MYT1: variants seen among roughly 807,000 people sequenced by gnomAD.
MYT1 encodes the protein myelin transcription factor I.
Under a neutral mutation model 123.0 loss-of-function variants are expected in MYT1, and 23 were observed. That is an observed-to-expected ratio of 0.19 (90% confidence interval 0.13 to 0.26). The LOEUF (loss-of-function observed/expected upper bound fraction) is 0.26, where lower values mean the gene tolerates loss of function less well. MYT1 is among the 10% of genes least tolerant of loss of function. The pLI is 1.00. For missense variants in MYT1, 1,125 were observed against 1,472.5 expected, an observed-to-expected ratio of 0.76 and a Z score of 3.86; for synonymous variants, 518 against 575.3, an observed-to-expected ratio of 0.90 and a Z score of 1.43.
chr20:64,165,873 A>G (rs1156239124), intron 1 of MYT1, among the ~76,000 whole-genome samples: 1 of 152,044 alleles, frequency 6.6e-6, no homozygotes, highest in East Asian at 1.9e-4. Context: ...GGACACCTCT[A>G]ACGCCAGTGG....
At chr20:64,222,070 C>G in intron 14 of MYT1, 23 bp downstream of exon 14, 8 of 1,611,670 alleles carry the variant, frequency 5.0e-6, no homozygotes, top group Non-Finnish European at 6.8e-6. Flanking sequence ...TTGGCTGGCA[C>G]AGCTCCTAGG....
Position 64,202,875 on chromosome 20 carries a change from G to A in MYT1, c.87-2160G>A, listed in dbSNP as rs1015287833. On this transcript the variant is annotated intron_variant, in intron 4 of 22. Transcript: ENST00000328439. The surrounding 1 kb of genome is among the most constrained non-coding windows in gnomAD (Gnocchi z 5.0). ...AATTCCCTCCTCCCGGAGAAAAGAG[G>A]CTCGGGAGTCCTGGAGCCCTGGCCG... 6.6e-6 allele frequency among the ~76,000 whole-genome samples: 1 copy of A among 152,154 alleles called. No individual in the cohort carries two copies. Among genetic ancestry groups the A allele is most frequent in the Admixed American group, 6.5e-5 (1 of 15,282 alleles).
intron 19 of MYT1, among the ~76,000 whole-genome samples, chr20:64,234,316 C>T (rs1984430326): frequency 6.9e-6 from 1 of 145,346 alleles, no homozygotes; most frequent in South Asian, 2.2e-4. Flanking sequence ...TCTGGGAGGT[C>T]AGGGCTGCAA....
intron 5 of MYT1, 123 bp from the exon 6 acceptor site, chr20:64,205,430 C>A: frequency 2.1e-6 from 3 of 1,437,222 alleles, no homozygotes; most frequent in Non-Finnish European, 2.8e-6. Flanking sequence ...GGGTTCCCTG[C>A]AAGGACTGGA....
rs1440895285 is a variant in MYT1, at chr20:64,241,047, G to A, written c.*599G>A. 6.6e-6 allele frequency: 1 copy of A among 152,520 alleles called. No individual in the cohort carries two copies. The highest frequency in any genetic ancestry group is 1.5e-5 in the Non-Finnish European group (1 of 68,282). The allele number at this position is 152,520 out of a possible 1,614,324, so 9.4% of individuals were successfully genotyped here. On this transcript the variant is annotated 3_prime_UTR_variant, in exon 23 of 23. Transcript: ENST00000328439. This position sits in a 1 kb window ranked among gnomAD's most constrained non-coding sequence, Gnocchi z 4.2. ...TGACAAGCATCGCAGCCCCTGTCAG[G>A]TCAAGGAATTTTAACCTGGGAGACT...
chr20:64,175,284 C>A, intron 1 of MYT1, among the ~76,000 whole-genome samples: 1 of 68,878 alleles, frequency 1.5e-5, no homozygotes, highest in Non-Finnish European at 2.7e-5. Flanking sequence ...GCTTCTCCTG[C>A]AGCATCTTTC....
At chr20:64,225,704 G>C (rs1175172748) in intron 16 of MYT1, among the ~76,000 whole-genome samples, 1 of 152,182 alleles carries the variant, frequency 6.6e-6, no homozygotes, top group African/African-American at 2.4e-5. Context: ...TGTGGCTCCA[G>C]ATTCCTGCAG....
At position 64,192,289 on chromosome 20, in the gene MYT1, T is replaced by G. The variant is rs1040804513; in HGVS notation, c.-1+2129T>G. ...TGAATAGAGAAGCTAAGATGAAAAG[T>G]GTGCCAGAGAAGGCGAGAGGATGAG... On this transcript the variant is annotated intron_variant, in intron 2 of 22. Coordinates refer to ENST00000328439, the MANE Select transcript of MYT1 (RefSeq NM_004535.3). This position sits in a 1 kb window ranked among gnomAD's most constrained non-coding sequence, Gnocchi z 5.3. 6.6e-6 allele frequency among the ~76,000 whole-genome samples: 1 copy of G among 152,270 alleles called. No homozygotes were observed. Among genetic ancestry groups the G allele is most frequent in the African/African-American group, 2.4e-5 (1 of 41,540 alleles).
intron 20 of MYT1, 91 bp downstream of exon 20, chr20:64,236,737 A>G (rs1344459314): frequency 2.7e-6 from 3 of 1,103,686 alleles, no homozygotes; most frequent in African/African-American, 1.5e-5. Flanking sequence ...GAAGAAGGTT[A>G]GGGAGATGAA....
Position 64,196,020 on chromosome 20 carries a change from C to T in MYT1, c.1-2842C>T, listed in dbSNP as rs1042284159. ...CTGGCATTTGGAGAAACAGAGCAGA[C>T]GTTCTTGAGAAAGGTTGCCGGCCCA... On this transcript the variant is annotated intron_variant, in intron 2 of 22. Coordinates refer to ENST00000328439, the MANE Select transcript of MYT1 (RefSeq NM_004535.3). The surrounding 1 kb of genome is among the most constrained non-coding windows in gnomAD (Gnocchi z 4.3). Among the ~76,000 whole-genome samples the T allele has an allele frequency of 5.3e-5, 8 of 152,148 alleles. No individual in the cohort carries two copies. The highest frequency in any genetic ancestry group is 1.2e-4 in the African/African-American group (5 of 41,400).
At chr20:64,228,352 A>G (rs1984229826) in intron 18 of MYT1, among the ~76,000 whole-genome samples, 1 of 152,210 alleles carries the variant, frequency 6.6e-6, no homozygotes, top group Non-Finnish European at 1.5e-5. Flanking sequence ...TGCAGGAGTC[A>G]AGGAGGAGAA....
intron 19 of MYT1, among the ~76,000 whole-genome samples, chr20:64,233,101 CCCTTCTTCCCTCCT>C (rs1984371264): frequency 7.0e-6 from 1 of 143,094 alleles, no homozygotes; most frequent in African/African-American, 2.6e-5. Context: ...CCCTCCCCTC[CCCTTCTTCCCTCCT>C]CCTTCCCCTC....
chr20:64,197,031 C>T (rs1983144804), intron 2 of MYT1, among the ~76,000 whole-genome samples: 1 of 152,064 alleles, frequency 6.6e-6, no homozygotes, highest in Admixed American at 6.5e-5. Flanking sequence ...TAATGAAGTC[C>T]CTGTGACACC....
chr20:64,194,487 C>T (rs973149880), intron 2 of MYT1, among the ~76,000 whole-genome samples: 3 of 152,226 alleles, frequency 2.0e-5, no homozygotes, highest in Admixed American at 6.5e-5. Context: ...CAGAACAGCT[C>T]CTGCTGGGGC....
intron 7 of MYT1, among the ~76,000 whole-genome samples, chr20:64,210,464 A>G (rs780813564): frequency 6.6e-6 from 1 of 152,186 alleles, no homozygotes; most frequent in Non-Finnish European, 1.5e-5. Context: ...GCCTGTCCAC[A>G]TGGGTGGAAG....
intron 1 of MYT1, among the ~76,000 whole-genome samples, chr20:64,170,931 A>AGAGAGAGACGGAGT (rs1982258308): frequency 1.7e-4 from 22 of 126,216 alleles, no homozygotes; most frequent in African/African-American, 3.8e-4. Context: ...AGAGAGAGAG[A>AGAGAGAGACGGAGT]GAGACGGAGT....
rs1455062526 is a variant in MYT1 at position 64,202,007 on chromosome 20, C to T, written c.86+2085C>T. ...CCGCGTGTCGGGAACCCCCGCGTGT[C>T]GGGAACCCCTCGCGTGTCGGGAACC... On this transcript the variant is annotated intron_variant, in intron 4 of 22. Transcript: ENST00000328439. This position sits in a 1 kb window ranked among gnomAD's most constrained non-coding sequence, Gnocchi z 5.0. Among the ~76,000 whole-genome samples the T allele has an allele frequency of 3.2e-5, 4 of 125,332 alleles. No homozygotes were observed. The highest frequency in any genetic ancestry group is 7.9e-5 in the Admixed American group (1 of 12,688). 82.2% of individuals were successfully genotyped at this position (125,332 alleles called of 152,430 possible). A position where few individuals can be genotyped will look rare whatever the true frequency, so the allele number is the denominator to read the frequency against.
chr20:64,206,225 GTC>G (rs1480008505), intron 6 of MYT1, among the ~76,000 whole-genome samples: 1 of 152,178 alleles, frequency 6.6e-6, no homozygotes, highest in East Asian at 1.9e-4. Context: ...TGGGTGAGAG[GTC>G]TGCGTTCCCC....
intron 1 of MYT1, among the ~76,000 whole-genome samples, chr20:64,179,575 C>T (rs574479739): frequency 6.6e-6 from 1 of 152,324 alleles, no homozygotes; most frequent in South Asian, 2.1e-4. Flanking sequence ...ACCCCATGGG[C>T]TGAAAGCCTT....
Sources: allele counts gnomAD v4.1 joint callset (sites outside exome capture counted in the v4.1 genomes callset), GRCh38; gene constraint gnomAD v4.1.1; non-coding constraint Gnocchi (gnomAD v3.1); transcripts MANE v1.5; gene names NCBI Gene and HGNC (gene_info 2026-07-23, HGNC 2026-07-21).